The following PTPRG variants were observed in gnomAD, a reference collection of about 807,000 sequenced individuals.
PTPRG encodes receptor-type tyrosine-protein phosphatase gamma.
Under a neutral mutation model 165.3 loss-of-function variants are expected in PTPRG, and 102 were observed. The ratio of observed to expected loss-of-function variants is 0.62; its 90% CI spans 0.53 to 0.73. The LOEUF (loss-of-function observed/expected upper bound fraction) is 0.73, where lower values mean the gene tolerates loss of function less well. Among genes scored for constraint, PTPRG ranks in the 30% least tolerant of loss-of-function variants. PTPRG has a pLI of 0.00. For synonymous variants in PTPRG, 675 were observed against 669.5 expected (o/e 1.01, Z -0.13); for missense variants, 1,866 against 1,861.4 (o/e 1.00, Z -0.05).
intron 8 of PTPRG, among the ~76,000 whole-genome samples, chr3:62,171,736 A>C (rs1356160043): frequency 1.3e-5 from 2 of 151,936 alleles, no homozygotes; most frequent in Non-Finnish European, 2.9e-5. Flanking sequence ...ATTGAGATTT[A>C]ATTCACATAC....
intron 2 of PTPRG, among the ~76,000 whole-genome samples, chr3:61,964,980 C>T (rs142375139): frequency 1.2e-3 from 182 of 152,260 alleles, no homozygotes; most frequent in Non-Finnish European, 2.4e-3. Flanking sequence ...CAGTCTCTCA[C>T]GCCTGTAATT....
At chr3:61,894,626 A>G (rs2038302565) in intron 2 of PTPRG, among the ~76,000 whole-genome samples, 2 of 152,172 alleles carry the variant, frequency 1.3e-5, no homozygotes, top group Non-Finnish European at 2.9e-5. Flanking sequence ...GTAATCGCCT[A>G]ACTTAATGTC....
chr3:61,610,196 G>T (rs1296577700), intron 1 of PTPRG, among the ~76,000 whole-genome samples: 1 of 151,522 alleles, frequency 6.6e-6, no homozygotes, highest in Non-Finnish European at 1.5e-5. Context: ...TTGTAGGGAT[G>T]TGAGGATTAA....
Position 62,254,691 on chromosome 3 carries a change from T to G in PTPRG, c.2468-433T>G, listed in dbSNP as rs577343533. ...TATAAGATTGGAAATAGAACTTAAT[T>G]GCTTAAAGTTCAAGCTGGACTCCAT... On this transcript the variant is annotated intron_variant, in intron 15 of 29. Transcript: ENST00000474889. This position sits in a 1 kb window ranked among gnomAD's most constrained non-coding sequence, Gnocchi z 4.6. Among the ~76,000 whole-genome samples the G allele has an allele frequency of 1.5e-4, 23 of 152,136 alleles. No homozygotes were observed. In the South Asian group the frequency reaches 3.9e-3, roughly 26 times the overall value.
At chr3:61,820,416 G>A (rs541505534) in intron 2 of PTPRG, among the ~76,000 whole-genome samples, 1 of 152,068 alleles carries the variant, frequency 6.6e-6, no homozygotes, top group Non-Finnish European at 1.5e-5. Context: ...ATTAAGTGGT[G>A]CCCACCCATT....
chr3:61,668,004 G>T (rs1702856330), intron 1 of PTPRG, among the ~76,000 whole-genome samples: 1 of 152,116 alleles, frequency 6.6e-6, no homozygotes, highest in African/African-American at 2.4e-5. Context: ...GCTATTTGTT[G>T]ACTTATTGTC....
intron 14 of PTPRG, among the ~76,000 whole-genome samples, chr3:62,243,000 C>T (rs6770329): frequency 2.3e-4 from 35 of 152,106 alleles, no homozygotes; most frequent in Non-Finnish European, 4.9e-4. Flanking sequence ...TAGCCATTCA[C>T]GCTGAGCAGC....
At chr3:62,124,260 C>T (rs1024712217) in intron 5 of PTPRG, 50 of 1,413,810 alleles carry the variant, frequency 3.5e-5, no homozygotes, top group Non-Finnish European at 1.5e-5. Flanking sequence ...AATTCAGAAG[C>T]CTGCAAGGAC....
chr3:61,750,992 CTGAA>C (rs1207573195), intron 2 of PTPRG: 1 of 152,038 alleles, frequency 6.6e-6, no homozygotes, highest in African/African-American at 2.4e-5. Flanking sequence ...GTTTGGAAGA[CTGAA>C]TGAAGTCATT....
chr3:61,960,345 G>A (rs554676820), intron 2 of PTPRG, among the ~76,000 whole-genome samples: 27 of 151,822 alleles, frequency 1.8e-4, no homozygotes, highest in African/African-American at 5.3e-4. Flanking sequence ...TGACTGAAAC[G>A]GAACCCTTTG....
chr3:61,883,625 G>C (rs2037948497), intron 2 of PTPRG, among the ~76,000 whole-genome samples: 1 of 152,174 alleles, frequency 6.6e-6, no homozygotes, highest in Non-Finnish European at 1.5e-5. Context: ...GGCCAGAAAT[G>C]AGATTAATAT....
chr3:61,734,533 C>T (rs901320130), intron 1 of PTPRG, among the ~76,000 whole-genome samples: 1 of 152,134 alleles, frequency 6.6e-6, no homozygotes, highest in Admixed American at 6.6e-5. Flanking sequence ...CTGTGATCTG[C>T]GGTTCTTTGG....
intron 2 of PTPRG, among the ~76,000 whole-genome samples, chr3:61,887,488 A>G (rs560450855): frequency 1.3e-5 from 2 of 152,310 alleles, no homozygotes; most frequent in East Asian, 1.9e-4. Flanking sequence ...TCTTTAGGCT[A>G]GGAAAACAAA....
At position 62,233,499 on chromosome 3, in the gene PTPRG, C is replaced by T. The variant is rs1700952865; in HGVS notation, c.2375+2188C>T. ...GCAGGAGGCTGGAATGCAAGCCCTT[C>T]AACCAGGCTCTCTCTCACCTTTGCC... On this transcript the variant is annotated intron_variant, in intron 14 of 29. Coordinates refer to ENST00000474889, the MANE Select transcript of PTPRG (RefSeq NM_002841.4). This position sits in a 1 kb window ranked among gnomAD's most constrained non-coding sequence, Gnocchi z 4.7. Among the ~76,000 whole-genome samples the T allele has an allele frequency of 6.6e-6, 1 of 152,186 alleles. No individual in the cohort carries two copies. The highest frequency in any genetic ancestry group is 2.1e-4 in the South Asian group (1 of 4,826).
Position 62,129,051 on chromosome 3 carries a change from CT to C in PTPRG, c.616-3549del, listed in dbSNP as rs762494188. On this transcript the variant is annotated intron_variant, in intron 5 of 29. Coordinates refer to ENST00000474889, the MANE Select transcript of PTPRG (RefSeq NM_002841.4). ...TTTCTCTCCTTTTCTCCTCATTCAT[CT>C]TCTCAACCCCAGCCATATTAACCAC... Among the ~76,000 whole-genome samples the C allele has an allele frequency of 6.6e-5, 10 of 152,258 alleles. 1 individual carries two copies. The Middle Eastern group carries it at 0.01, about 155-fold the overall frequency.
chr3:61,828,199 A>G (rs1001247746), intron 2 of PTPRG, among the ~76,000 whole-genome samples: 1 of 152,246 alleles, frequency 6.6e-6, no homozygotes, highest in African/African-American at 2.4e-5. Context: ...TTTCTACGAA[A>G]TACAATAATT....
intron 2 of PTPRG, among the ~76,000 whole-genome samples, chr3:61,777,866 A>T (rs1359157030): frequency 1.3e-5 from 2 of 152,232 alleles, no homozygotes; most frequent in African/African-American, 4.8e-5. Context: ...AATAAAAGAC[A>T]GAGTGAAGTC....
intron 5 of PTPRG, among the ~76,000 whole-genome samples, chr3:62,090,342 T>A (rs1392498241): frequency 3.3e-5 from 5 of 152,296 alleles, no homozygotes; most frequent in Admixed American, 1.3e-4. Context: ...TTCTAGTTTT[T>A]TTTTAAACTG....
At chr3:62,132,379 T>TA (rs1295372766) in intron 5 of PTPRG, among the ~76,000 whole-genome samples, 1 of 152,234 alleles carries the variant, frequency 6.6e-6, no homozygotes, top group Non-Finnish European at 1.5e-5. Flanking sequence ...TCTCTCCTGT[T>TA]ACAATGTATT....
Sources: gnomAD v4.1 joint callset for allele counts (sites outside exome capture counted in the v4.1 genomes callset) on GRCh38, gnomAD v4.1.1 for gene constraint, Gnocchi (gnomAD v3.1) non-coding constraint, MANE v1.5 for transcripts, NCBI Gene and HGNC (gene_info 2026-07-23, HGNC 2026-07-21) for gene names.